PDSS2: variants seen among roughly 807,000 people sequenced by gnomAD.
PDSS2 encodes the protein decaprenyl diphosphate synthase subunit 2.
Under a neutral mutation model 44.5 loss-of-function variants are expected in PDSS2, and 31 were observed. The ratio of observed to expected loss-of-function variants is 0.70; its 90% CI spans 0.52 to 0.94. The LOEUF (loss-of-function observed/expected upper bound fraction) is 0.94. Among genes scored for constraint, PDSS2 ranks in the 40% least tolerant of loss-of-function variants. The pLI, the probability that PDSS2 is intolerant of heterozygous loss-of-function variation, is 0.00. For missense variants in PDSS2, 452 were observed against 482.2 expected, an observed-to-expected ratio of 0.94 and a Z score of 0.59; for synonymous variants, 157 against 180.3, an observed-to-expected ratio of 0.87 and a Z score of 1.03.
intron 7 of PDSS2, 115 bp from the exon 8 acceptor site, chr6:107,154,892 A>C: frequency 2.2e-6 from 2 of 908,860 alleles, no homozygotes; most frequent in African/African-American, 3.3e-5. Context: ...GTATAGATTG[A>C]GTATTTCTGC....
chr6:107,435,763 T>A (rs997226832), intron 1 of PDSS2, among the ~76,000 whole-genome samples: 3 of 152,312 alleles, frequency 2.0e-5, no homozygotes, highest in Admixed American at 2.0e-4. Flanking sequence ...ACATGACTGC[T>A]AAGTTTTTAG....
chr6:107,377,898 A>G (rs915782772), intron 1 of PDSS2, among the ~76,000 whole-genome samples: 14 of 151,942 alleles, frequency 9.2e-5, no homozygotes, highest in Non-Finnish European at 1.9e-4. Flanking sequence ...GGGTAGGGGT[A>G]AGGGGGAGGG....
intron 7 of PDSS2, among the ~76,000 whole-genome samples, chr6:107,191,864 A>T (rs535958803): frequency 6.6e-6 from 1 of 152,210 alleles, no homozygotes; most frequent in South Asian, 2.1e-4. Context: ...CTCCCACCTC[A>T]GCCTCTCAAA....
At chr6:107,183,600 A>C (rs1772060899) in intron 7 of PDSS2, among the ~76,000 whole-genome samples, 1 of 152,158 alleles carries the variant, frequency 6.6e-6, no homozygotes, top group Non-Finnish European at 1.5e-5. Flanking sequence ...CTGGAGGCTG[A>C]GGCAAGTGAA....
intron 7 of PDSS2, among the ~76,000 whole-genome samples, chr6:107,188,711 T>TCCTCACTCAGTGAGC (rs1435630093): frequency 4.6e-5 from 7 of 151,968 alleles, no homozygotes; most frequent in Non-Finnish European, 2.9e-5. Flanking sequence ...GACGAGTGAG[T>TCCTCACTCAGTGAGC]TCTCACTCAG....
chr6:107,270,953 A>G (rs1775579216), intron 3 of PDSS2, among the ~76,000 whole-genome samples: 1 of 152,246 alleles, frequency 6.6e-6, no homozygotes, highest in Non-Finnish European at 1.5e-5. Flanking sequence ...TCTTCTACTG[A>G]CAATGATGCA....
chr6:107,410,671 A>G (rs1045764380), intron 1 of PDSS2, among the ~76,000 whole-genome samples: 11 of 151,706 alleles, frequency 7.3e-5, no homozygotes, highest in Non-Finnish European at 1.3e-4. Context: ...TATTTTTAGT[A>G]AAGATGGGGC....
At chr6:107,157,760 TC>T (rs1446054986) in intron 7 of PDSS2, among the ~76,000 whole-genome samples, 3 of 151,842 alleles carry the variant, frequency 2.0e-5, no homozygotes, top group Admixed American at 2.0e-4. Context: ...AACCTCTGCC[TC>T]CCAGGTTCAG....
In PDSS2 at chr6:107,222,710, G is replaced by A. The variant is rs117361865; in HGVS notation, c.703-10428C>T. 9.1e-3 allele frequency among the ~76,000 whole-genome samples: 1,372 copies of A among 151,446 alleles called. 12 individuals carry two copies. The highest frequency in any genetic ancestry group is 0.014 in the Middle Eastern group (4 of 284). Reference sequence around the variant, plus strand: ...AATGTATTTTGACCAAGATTAGACCGTAGTATGTGGCAGAGATGAGTCTCA... The same window carrying A: ...AATGTATTTTGACCAAGATTAGACCATAGTATGTGGCAGAGATGAGTCTCA... On this transcript the variant is annotated intron_variant, in intron 4 of 7. Coordinates refer to ENST00000369037, the MANE Select transcript of PDSS2 (RefSeq NM_020381.4).
intron 1 of PDSS2, among the ~76,000 whole-genome samples, chr6:107,408,462 C>T (rs921936599): frequency 5.3e-5 from 8 of 152,206 alleles, no homozygotes; most frequent in African/African-American, 1.9e-4. Flanking sequence ...GATTGGAGTC[C>T]TCTGAGACTG....
chr6:107,311,141 C>T (rs1396601072), intron 2 of PDSS2, among the ~76,000 whole-genome samples: 1 of 150,810 alleles, frequency 6.6e-6, no homozygotes, highest in Non-Finnish European at 1.5e-5. Flanking sequence ...TGGTCTTGAT[C>T]TCCTGACTTT....
intron 3 of PDSS2, among the ~76,000 whole-genome samples, chr6:107,271,936 C>T (rs1775611827): frequency 6.6e-6 from 1 of 151,916 alleles, no homozygotes; most frequent in African/African-American, 2.4e-5. Flanking sequence ...TGGCTGTATG[C>T]ACCTGTGGTC....
chr6:107,195,721 G>A (rs1332360105), intron 6 of PDSS2, among the ~76,000 whole-genome samples: 8 of 118,176 alleles, frequency 6.8e-5, no homozygotes, highest in East Asian at 3.3e-4. Flanking sequence ...CACCACGCCC[G>A]GCTAATTTTT....
chr6:107,185,787 T>A (rs562884401), intron 7 of PDSS2, among the ~76,000 whole-genome samples: 51 of 152,282 alleles, frequency 3.3e-4, no homozygotes, highest in African/African-American at 1.2e-3. Flanking sequence ...GGTGGCACTC[T>A]TCCCTCTAGC....
chr6:107,304,053 G>A (rs1179112036), intron 2 of PDSS2, among the ~76,000 whole-genome samples: 1 of 152,196 alleles, frequency 6.6e-6, no homozygotes, highest in African/African-American at 2.4e-5. Context: ...CCCAGACTTA[G>A]CCATTGACTA....
chr6:107,419,047 C>A (rs1210574318), intron 1 of PDSS2, among the ~76,000 whole-genome samples: 2 of 150,438 alleles, frequency 1.3e-5, no homozygotes, highest in African/African-American at 4.9e-5. Flanking sequence ...AAAAAAAAAA[C>A]AAAAAGAGTA....
At chr6:107,269,653 T>G (rs374061824) in intron 3 of PDSS2, among the ~76,000 whole-genome samples, 103 of 152,112 alleles carry the variant, frequency 6.8e-4, no homozygotes, top group African/African-American at 1.7e-3. Context: ...CCAATTATTA[T>G]TAGTAGTAGT....
intron 7 of PDSS2, among the ~76,000 whole-genome samples, chr6:107,168,933 G>A (rs1307395069): frequency 6.6e-6 from 1 of 152,140 alleles, no homozygotes; most frequent in South Asian, 2.1e-4. Flanking sequence ...TTCAACTTTG[G>A]TGAATCTGAC....
chr6:107,361,912 T>C (rs1778787036), intron 1 of PDSS2, among the ~76,000 whole-genome samples: 1 of 152,182 alleles, frequency 6.6e-6, no homozygotes, highest in South Asian at 2.1e-4. Context: ...GCACAGTAGC[T>C]GAATCAGTGC....
Sources: allele counts gnomAD v4.1 joint callset (sites outside exome capture counted in the v4.1 genomes callset), GRCh38; gene constraint gnomAD v4.1.1; transcripts MANE v1.5; gene names NCBI Gene and HGNC (gene_info 2026-07-23, HGNC 2026-07-21).